The following TBC1D32 variants were observed in gnomAD, a reference collection of about 807,000 sequenced individuals.
The protein encoded by TBC1D32 is TBC1 domain family member 32.
A neutral mutation model predicts 170.3 loss-of-function variants in TBC1D32; 151 were observed. The observed-to-expected ratio is 0.89, with a 90% CI of 0.78 to 1.01. The LOEUF (loss-of-function observed/expected upper bound fraction) is 1.01, where lower values mean the gene tolerates loss of function less well. TBC1D32 is among the 50% of genes least tolerant of loss of function. TBC1D32 has a pLI of 0.00. For missense variants in TBC1D32, 1,464 were observed against 1,457.1 expected (o/e 1.00, Z -0.08); for synonymous variants, 498 against 488.0 (o/e 1.02, Z -0.27).
intron 30 of TBC1D32, among the ~76,000 whole-genome samples, chr6:121,096,609 T>G: frequency 6.6e-6 from 1 of 152,082 alleles, no homozygotes; most frequent in East Asian, 1.9e-4. Flanking sequence ...ATCATGAAAA[T>G]GGCCATACTG....
At chr6:121,286,673 G>A (rs1425088054) in intron 12 of TBC1D32, among the ~76,000 whole-genome samples, 1 of 152,102 alleles carries the variant, frequency 6.6e-6, no homozygotes, top group Non-Finnish European at 1.5e-5. Context: ...TATTCCTCGA[G>A]AAGAGCAACT....
At chr6:121,193,694 T>C (rs1790364819) in intron 22 of TBC1D32, among the ~76,000 whole-genome samples, 1 of 152,260 alleles carries the variant, frequency 6.6e-6, no homozygotes, top group Non-Finnish European at 1.5e-5. Context: ...GCTCTGACAT[T>C]AACTAATTAA....
chr6:121,103,349 G>A (rs532837252), intron 30 of TBC1D32, among the ~76,000 whole-genome samples: 1 of 152,086 alleles, frequency 6.6e-6, no homozygotes, highest in African/African-American at 2.4e-5. Context: ...ATCCATCAAT[G>A]ATAGACTCGA....
At position 121,304,588 on chromosome 6, in the gene TBC1D32, A is replaced by G. The variant is rs775508858; in HGVS notation, c.807T>C (p.Asn269=). ...CACCAGCTGAAAGAGTAGGAATATG[A>G]TTTTCCCTAGAAAGAAAGTATGACT... is the stretch of plus-strand genomic sequence containing the variant. ...YLESYFLSRE[N]HIPTLSAGVD... Residue 269 remains asparagine (N), a synonymous_variant, in exon 7 of 32, where the codon AAT becomes AAC. Coordinates refer to ENST00000398212, the MANE Select transcript of TBC1D32 (RefSeq NM_152730.6). 5 of 1,611,398 alleles carry G rather than the reference A, an allele frequency of 3.1e-6. No homozygotes were observed. Among genetic ancestry groups the G allele is most frequent in the East Asian group, 2.2e-5 (1 of 44,772 alleles).
At chr6:121,269,061 CTG>C (rs1401023520) in intron 15 of TBC1D32, among the ~76,000 whole-genome samples, 2 of 152,206 alleles carry the variant, frequency 1.3e-5, no homozygotes, top group Middle Eastern at 3.4e-3. Context: ...CAAACAAATG[CTG>C]AGAGATTTTG....
chr6:121,218,733 C>T (rs991630462), intron 21 of TBC1D32, among the ~76,000 whole-genome samples: 3 of 152,146 alleles, frequency 2.0e-5, no homozygotes, highest in Non-Finnish European at 4.4e-5. Context: ...CTGACTAATA[C>T]ACCATATGTC....
chr6:121,116,809 G>A (rs1456413722), intron 26 of TBC1D32, among the ~76,000 whole-genome samples: 1 of 152,198 alleles, frequency 6.6e-6, no homozygotes, highest in Non-Finnish European at 1.5e-5. Flanking sequence ...TGGTCTAGTT[G>A]TGAGGCCTGA....
At chr6:121,205,011 G>A (rs1792052320) in intron 22 of TBC1D32, 64 bp downstream of exon 22, 2 of 966,422 alleles carry the variant, frequency 2.1e-6, no homozygotes, top group South Asian at 3.2e-5. Flanking sequence ...AAAGTATACA[G>A]GACAAATGCT....
intron 22 of TBC1D32, among the ~76,000 whole-genome samples, chr6:121,178,514 C>T (rs1031655203): frequency 6.6e-6 from 1 of 152,144 alleles, no homozygotes; most frequent in African/African-American, 2.4e-5. Context: ...AAGATAGTAG[C>T]TTAAAACAGG....
At chr6:121,099,503 G>A (rs1243879011) in intron 30 of TBC1D32, among the ~76,000 whole-genome samples, 3 of 151,688 alleles carry the variant, frequency 2.0e-5, no homozygotes, top group Non-Finnish European at 4.4e-5. Flanking sequence ...ATTTCATTTA[G>A]CAATCTGCCT....
At chr6:121,104,370 G>C (rs1778470181) in intron 30 of TBC1D32, among the ~76,000 whole-genome samples, 1 of 151,498 alleles carries the variant, frequency 6.6e-6, no homozygotes, top group African/African-American at 2.4e-5. Flanking sequence ...CAATACTTTA[G>C]AAACCAAGAC....
rs1256827169 is a variant in TBC1D32, at chr6:121,275,139, G to A, written c.1733+3982C>T. 3.9e-5 allele frequency among the ~76,000 whole-genome samples: 6 copies of A among 152,082 alleles called. No homozygotes were observed. The East Asian group carries it at 1.2e-3, about 29-fold the overall frequency. On this transcript the variant is annotated intron_variant, in intron 15 of 31. Transcript: ENST00000398212. The stretch of plus-strand genomic sequence containing the variant: ...CACCGATGGAGAATGAAGGAACTAG[G>A]TACCTATATGTATTTGTATGTTTGG...
chr6:121,205,203 A>G lies in TBC1D32; in HGVS notation c.2482-40T>C, dbSNP rs774421438. Reference sequence around the variant, plus strand: ...CAAAATGAGACTGTATTTAACTGATATCATTTAAAGAAAATTAAGTCAACA... The same window carrying G: ...CAAAATGAGACTGTATTTAACTGATGTCATTTAAAGAAAATTAAGTCAACA... On this transcript the variant is annotated intron_variant, in intron 21 of 31. Coordinates refer to ENST00000398212, the MANE Select transcript of TBC1D32 (RefSeq NM_152730.6). 5 of 1,021,592 alleles carry G rather than the reference A, an allele frequency of 4.9e-6. No individual in the cohort carries two copies. The South Asian group carries it at 9.0e-5, about 18-fold the overall frequency. 63.3% of individuals were successfully genotyped at this position (1,021,592 alleles called of 1,614,324 possible). A position where few individuals can be genotyped will look rare whatever the true frequency, so the allele number is the denominator to read the frequency against.
intron 24 of TBC1D32, among the ~76,000 whole-genome samples, chr6:121,136,540 C>T (rs2128221811): frequency 6.6e-6 from 1 of 151,976 alleles, no homozygotes; most frequent in African/African-American, 2.4e-5. Context: ...ACAGGAAAAT[C>T]CCCCCCTGGC....
intron 22 of TBC1D32, among the ~76,000 whole-genome samples, chr6:121,199,381 C>G (rs995530151): frequency 1.3e-5 from 2 of 151,006 alleles, no homozygotes; most frequent in East Asian, 1.9e-4. Flanking sequence ...CAATAACACT[C>G]CTATTTTTCA....
At position 121,334,436 on chromosome 6, in the gene TBC1D32, T is replaced by C. The variant is rs1289090935; in HGVS notation, c.-6A>G. 4 of 1,612,488 alleles carry C rather than the reference T, an allele frequency of 2.5e-6. No individual in the cohort carries two copies. The highest frequency in any genetic ancestry group is 3.4e-6 in the Non-Finnish European group (4 of 1,179,198). On this transcript the variant is annotated 5_prime_UTR_variant, in exon 1 of 32. Transcript: ENST00000398212. ...TCGCTGGAGAAATGGGCCATCCTGT[T>C]GGAATCAAACGTCCACTCTCATTAC...
intron 5 of TBC1D32, among the ~76,000 whole-genome samples, chr6:121,306,891 C>G (rs901277004): frequency 1.1e-4 from 16 of 152,122 alleles, no homozygotes; most frequent in Admixed American, 6.5e-5. Context: ...CATTAGTTTT[C>G]TAGCTTCTTT....
At chr6:121,153,782 GT>G (rs1252530744) in intron 24 of TBC1D32, among the ~76,000 whole-genome samples, 1 of 152,102 alleles carries the variant, frequency 6.6e-6, no homozygotes, top group Non-Finnish European at 1.5e-5. Context: ...CAGGTGGCTT[GT>G]TTTACATTGT....
At chr6:121,187,837 C>A (rs1426585969) in intron 22 of TBC1D32, among the ~76,000 whole-genome samples, 2 of 151,366 alleles carry the variant, frequency 1.3e-5, no homozygotes, top group Admixed American at 6.6e-5. Flanking sequence ...TTATCTGATG[C>A]CCTTTAGCTG....
Sources: allele counts gnomAD v4.1 joint callset (sites outside exome capture counted in the v4.1 genomes callset), GRCh38; gene constraint gnomAD v4.1.1; transcripts MANE v1.5; gene names NCBI Gene and HGNC (gene_info 2026-07-23, HGNC 2026-07-21).